Variants in NUP210 observed in about 807,000 individuals in gnomAD.
NUP210 encodes nucleoporin 210.
NUP210 carries 151 observed loss-of-function variants against 196.0 expected under a neutral mutation model. That is an observed-to-expected ratio of 0.77 (90% CI 0.67 to 0.88). NUP210 has a LOEUF of 0.88. Among genes scored for constraint, NUP210 ranks in the 40% least tolerant of loss-of-function variants. The probability of loss-of-function intolerance (pLI) is 0.00; values close to 1 mark genes in which losing one functional copy is unlikely to be tolerated. For synonymous variants in NUP210, 1,070 were observed against 1,052.7 expected (o/e 1.02, Z -0.32); for missense variants, 2,314 against 2,493.7 (o/e 0.93, Z 1.53).
chr3:13,342,511 G>T (rs1576363661), intron 21 of NUP210, among the ~76,000 whole-genome samples: 1 of 152,344 alleles, frequency 6.6e-6, no homozygotes, highest in East Asian at 1.9e-4. Context: ...CGAAGAAACA[G>T]ATGATTAGCA....
At chr3:13,400,055 C>G (rs961473283) in intron 1 of NUP210, among the ~76,000 whole-genome samples, 194 bp from the exon 2 acceptor site, 6 of 152,188 alleles carry the variant, frequency 3.9e-5, no homozygotes, top group African/African-American at 1.4e-4. Flanking sequence ...GTTAAGACCT[C>G]CACAAGCTGA....
At chr3:13,322,531 G>A (rs926083608) in intron 34 of NUP210, among the ~76,000 whole-genome samples, 192 bp from the exon 35 acceptor site, 1 of 152,264 alleles carries the variant, frequency 6.6e-6, no homozygotes, top group African/African-American at 2.4e-5. Context: ...TCATATGGAA[G>A]AGGATGCCAT....
intron 16 of NUP210, among the ~76,000 whole-genome samples, chr3:13,355,392 AT>A (rs1168367042): frequency 6.6e-6 from 1 of 152,190 alleles, no homozygotes; most frequent in African/African-American, 2.4e-5. Context: ...ACCTGCCATG[AT>A]CAACATGGTG....
At chr3:13,319,002 G>C in intron 39 of NUP210, 70 bp downstream of exon 39, 1 of 1,436,794 alleles carries the variant, frequency 7.0e-7, no homozygotes, top group Non-Finnish European at 9.4e-7. Context: ...CAGGAGCCTC[G>C]ACCCCTCCCC....
chr3:13,384,154 G>A (rs1278238044), intron 6 of NUP210, among the ~76,000 whole-genome samples: 1 of 151,860 alleles, frequency 6.6e-6, no homozygotes, highest in Non-Finnish European at 1.5e-5. Context: ...GTAGAGGCGG[G>A]GTTTCACCAT....
rs535014091 is a variant in NUP210 at position 13,405,194 on chromosome 3, T to C, written c.168-5333A>G. 9.8e-5 allele frequency among the ~76,000 whole-genome samples: 15 copies of C among 152,310 alleles called. No homozygotes were observed. In the South Asian group the frequency reaches 1.9e-3, roughly 19 times the overall value. Reference sequence around the variant, plus strand: ...ATTTGAATCTGTGGCCTGGGTAAAGTAGATGCCACCTAATGTGGGTGGGCC... The same window carrying C: ...ATTTGAATCTGTGGCCTGGGTAAAGCAGATGCCACCTAATGTGGGTGGGCC... On this transcript the variant is annotated intron_variant, in intron 1 of 39. Coordinates refer to ENST00000254508, the MANE Select transcript of NUP210 (RefSeq NM_024923.4).
chr3:13,348,425 T>C lies in NUP210; in HGVS notation c.2835+3454A>G. 1 of 985,454 alleles carries C rather than the reference T, an allele frequency of 1.0e-6. No homozygotes were observed. The highest frequency in any genetic ancestry group is 1.2e-6 in the Non-Finnish European group (1 of 829,942). The allele number at this position is 985,454 out of a possible 1,614,324, so 61.0% of individuals were successfully genotyped here. A position where few individuals can be genotyped will look rare whatever the true frequency, so the allele number is the denominator to read the frequency against. ...ATGACAGGTGCAAGGTAAATGTGAATGAGAGTGTGCCTCGGTTTCACTGGC... is the reference window on the plus strand; with the variant it reads ...ATGACAGGTGCAAGGTAAATGTGAACGAGAGTGTGCCTCGGTTTCACTGGC... On this transcript the variant is annotated intron_variant, in intron 20 of 39. Transcript: ENST00000254508. This position sits in a 1 kb window ranked among gnomAD's most constrained non-coding sequence, Gnocchi z 4.0.
intron 11 of NUP210, among the ~76,000 whole-genome samples, chr3:13,374,809 G>A (rs1698845112): frequency 6.6e-6 from 1 of 152,234 alleles, no homozygotes; most frequent in Admixed American, 6.5e-5. Context: ...GGGCCAGGAT[G>A]GTGACGCACC....
chr3:13,342,182 T>C (rs1697537741), intron 21 of NUP210, 59 bp from the exon 22 acceptor site: 1 of 1,596,454 alleles, frequency 6.3e-7, no homozygotes, highest in Admixed American at 1.7e-5. Flanking sequence ...CTACCATCTA[T>C]GGTGCTCCGT....
rs148214795 is a variant in NUP210 at position 13,319,781 on chromosome 3, G to C, written c.5365C>G (p.Arg1789Gly). 42 of 1,614,002 alleles carry C rather than the reference G, an allele frequency of 2.6e-5. No homozygotes were observed. Among genetic ancestry groups the C allele is most frequent in the Non-Finnish European group, 3.6e-5 (42 of 1,180,006 alleles). Reference protein sequence around the residue: ...IPVTVAFVVDRRGPGPYGASL... With the variant: ...IPVTVAFVVDGRGPGPYGASL... ...GACTCACAAGGACCGGGCCCACGGC[G>C]ATCCACCACAAAAGCCACTGTCACT... The change falls in exon 37 of 40, where the codon CGC (arginine) becomes GGC (glycine). Residue 1789 changes from arginine to glycine, a missense_variant. Transcript: ENST00000254508.
chr3:13,321,046 C>T (rs1001814812), intron 36 of NUP210, among the ~76,000 whole-genome samples: 3 of 152,274 alleles, frequency 2.0e-5, no homozygotes, highest in Non-Finnish European at 4.4e-5. Context: ...CATGCGATCA[C>T]GCTGGCTGCA....
At chr3:13,322,519 T>TA (rs1696582413) in intron 34 of NUP210, among the ~76,000 whole-genome samples, 180 bp from the exon 35 acceptor site, 1 of 152,184 alleles carries the variant, frequency 6.6e-6, no homozygotes, top group Admixed American at 6.5e-5. Flanking sequence ...GCCAAGGACA[T>TA]ATCATATGGA....
chr3:13,318,622 GCAGGGTCACCAGGGCTT>G (rs945326247), intron 39 of NUP210, among the ~76,000 whole-genome samples: 3 of 152,182 alleles, frequency 2.0e-5, no homozygotes, highest in African/African-American at 7.2e-5. Flanking sequence ...CTGGAGCTGT[GCAGGGTCACCAGGGCTT>G]CGGGGTCACC....
At chr3:13,410,639 C>T (rs1376952384) in intron 1 of NUP210, among the ~76,000 whole-genome samples, 5 of 150,812 alleles carry the variant, frequency 3.3e-5, no homozygotes, top group Non-Finnish European at 7.4e-5. Context: ...ACAAAAAGGC[C>T]GGGCACGGTG....
chr3:13,325,825 C>T lies in NUP210; in HGVS notation c.4614G>A (p.Glu1538=), dbSNP rs1696726805. Residue 1538 remains glutamate (E), a synonymous_variant, in exon 33 of 40, where the codon GAG becomes GAA. Coordinates refer to ENST00000254508, the MANE Select transcript of NUP210 (RefSeq NM_024923.4). ...TGTAGGTCCTCAGGTGCCCAGCGAC[C>T]TCATAGTAAACCGTCACGGATCCCA... ...RAVGSVTVYY[E]VAGHLRTYKE... 4 of 1,613,974 alleles carry T rather than the reference C, an allele frequency of 2.5e-6. No homozygotes were observed. Among genetic ancestry groups the T allele is most frequent in the Admixed American group, 1.7e-5 (1 of 60,028 alleles).
At chr3:13,353,846 C>G in intron 17 of NUP210, 69 bp downstream of exon 17, 2 of 1,477,338 alleles carry the variant, frequency 1.4e-6, no homozygotes, top group Non-Finnish European at 1.8e-6. Context: ...AGGCACTGGC[C>G]CACCTTGGCA....
chr3:13,414,264 A>G (rs1559352592), intron 1 of NUP210, among the ~76,000 whole-genome samples: 2 of 152,258 alleles, frequency 1.3e-5, no homozygotes, highest in Non-Finnish European at 2.9e-5. Flanking sequence ...GTGTCTACAG[A>G]GCGGAAGCCA....
intron 1 of NUP210, among the ~76,000 whole-genome samples, chr3:13,410,844 G>A (rs1700149885): frequency 6.6e-6 from 1 of 151,144 alleles, no homozygotes; most frequent in East Asian, 2.0e-4. Flanking sequence ...TGTGAACCCA[G>A]GAGGCGGAGC....
chr3:13,341,862 G>A lies in NUP210; in HGVS notation c.3114C>T (p.Asp1038=), dbSNP rs147697292. ...GGATGAGGAATGTGATGGTGTAGTT[G>A]TCAAGGGCTTCATCAAGGGCCCTGA... ...ITLVALDEAL[D]NYTITFLIRG... is the part of the protein sequence containing the mutation. The change falls in exon 23 of 40, where the codon GAC becomes GAT. Residue 1038 remains aspartate, a synonymous_variant. Transcript: ENST00000254508. 6 of 1,614,196 alleles carry A rather than the reference G, an allele frequency of 3.7e-6. No homozygotes were observed. The highest frequency in any genetic ancestry group is 4.2e-6 in the Non-Finnish European group (5 of 1,180,038).
Sources: allele counts gnomAD v4.1 joint callset (sites outside exome capture counted in the v4.1 genomes callset), GRCh38; gene constraint gnomAD v4.1.1; non-coding constraint Gnocchi (gnomAD v3.1); transcripts MANE v1.5; gene names NCBI Gene and HGNC (gene_info 2026-07-23, HGNC 2026-07-21).